The following PCSK2 variants were observed in gnomAD, a reference collection of about 807,000 sequenced individuals.
The protein encoded by PCSK2 is proprotein convertase subtilisin/kexin type 2.
Under a neutral mutation model 69.7 loss-of-function variants are expected in PCSK2, and 14 were observed. That is an observed-to-expected ratio of 0.20 (90% CI 0.13 to 0.31). The LOEUF (loss-of-function observed/expected upper bound fraction) is 0.31, where lower values mean the gene tolerates loss of function less well. PCSK2 is among the 10% of genes least tolerant of loss of function. PCSK2 has a pLI of 1.00. For synonymous variants in PCSK2, 307 were observed against 320.7 expected (o/e 0.96, Z 0.46); for missense variants, 544 against 842.5 (o/e 0.65, Z 4.39).
intron 2 of PCSK2, among the ~76,000 whole-genome samples, chr20:17,335,606 T>G (rs973522679): frequency 6.6e-6 from 1 of 152,104 alleles, no homozygotes; most frequent in East Asian, 1.9e-4. Flanking sequence ...CCGAGCATTG[T>G]ACACTGTCCC....
intron 5 of PCSK2, among the ~76,000 whole-genome samples, chr20:17,373,921 T>C (rs138192861): frequency 2.5e-3 from 374 of 152,310 alleles, no homozygotes; most frequent in African/African-American, 8.6e-3. Context: ...TACTCTATTG[T>C]TCTATGATTG....
chr20:17,326,535 T>G (rs984717960), intron 2 of PCSK2, among the ~76,000 whole-genome samples: 3 of 152,218 alleles, frequency 2.0e-5, no homozygotes, highest in African/African-American at 7.2e-5. Context: ...ACCATACTAA[T>G]GGCAGATGTT....
chr20:17,316,375 G>T (rs1313079735), intron 2 of PCSK2, among the ~76,000 whole-genome samples: 1 of 152,222 alleles, frequency 6.6e-6, no homozygotes, highest in Non-Finnish European at 1.5e-5. Context: ...ATGAATATAT[G>T]TATCAGGCTC....
chr20:17,462,893 G>C (rs1272641722), intron 10 of PCSK2, among the ~76,000 whole-genome samples: 1 of 152,122 alleles, frequency 6.6e-6, no homozygotes, highest in Non-Finnish European at 1.5e-5. Flanking sequence ...TTCTTGGGCT[G>C]CTATGGTACA....
At chr20:17,479,809 A>C (rs150459797) in intron 11 of PCSK2, among the ~76,000 whole-genome samples, 18,364 of 149,374 alleles carry the variant, frequency 0.12, 1,148 homozygotes, top group East Asian at 0.15. Context: ...AAAAAAAAAA[A>C]AAAAAAAAAA....
intron 2 of PCSK2, among the ~76,000 whole-genome samples, chr20:17,289,963 G>T (rs1988644270): frequency 6.6e-6 from 1 of 152,166 alleles, no homozygotes; most frequent in Non-Finnish European, 1.5e-5. Context: ...TAAATTTCTA[G>T]AAGTAGAATT....
intron 2 of PCSK2, among the ~76,000 whole-genome samples, chr20:17,285,600 A>G (rs1017033709): frequency 2.0e-5 from 3 of 152,244 alleles, no homozygotes; most frequent in Non-Finnish European, 4.4e-5. Context: ...TGAATTCTTC[A>G]GTAGACTGTA....
intron 5 of PCSK2, among the ~76,000 whole-genome samples, chr20:17,395,317 GGTAGTCCT>G (rs2031486746): frequency 6.6e-6 from 1 of 152,142 alleles, no homozygotes; most frequent in African/African-American, 2.4e-5. Context: ...CTTTCATGAC[GGTAGTCCT>G]GATTTTGCTA....
At position 17,358,456 on chromosome 20, in the gene PCSK2, T is replaced by C. The variant is rs755971116; in HGVS notation, c.396+16T>C. The C allele has an allele frequency of 3.8e-6, 5 of 1,314,680 alleles. No individual in the cohort carries two copies. The highest frequency in any genetic ancestry group is 3.5e-5 in the South Asian group (3 of 85,048). 81.4% of individuals were successfully genotyped at this position (1,314,680 alleles called of 1,614,324 possible). A position where few individuals can be genotyped will look rare whatever the true frequency, so the allele number is the denominator to read the frequency against. On this transcript the variant is annotated intron_variant, in intron 3 of 11. Transcript: ENST00000262545. ...GTGGTATCTGGTGAGTGTCTTTATG[T>C]CCTTTTGGACATTTCCCATCTTGAG...
At chr20:17,363,752 C>G (rs1306704539) in intron 4 of PCSK2, among the ~76,000 whole-genome samples, 2 of 152,214 alleles carry the variant, frequency 1.3e-5, no homozygotes, top group Non-Finnish European at 2.9e-5. Context: ...AAACAACTAA[C>G]AGTAAAAACG....
Position 17,396,522 on chromosome 20 carries a change from CA to C in PCSK2, c.544-12740del, listed in dbSNP as rs201938615. Among the ~76,000 whole-genome samples the C allele has an allele frequency of 4.4e-3, 671 of 152,290 alleles. 5 individuals carry two copies. Among genetic ancestry groups the C allele is most frequent in the East Asian group, 0.015 (78 of 5,184 alleles). ...TCAACTTCAAATTAGCCATTGTTTC[CA>C]CATCATCCTCTCATGACATGATAGG... On this transcript the variant is annotated intron_variant, in intron 5 of 11. Coordinates refer to ENST00000262545, the MANE Select transcript of PCSK2 (RefSeq NM_002594.5).
intron 2 of PCSK2, among the ~76,000 whole-genome samples, chr20:17,266,501 ATGCATAAGTTCCACTT>A (rs1987608016): frequency 6.6e-6 from 1 of 152,236 alleles, no homozygotes; most frequent in South Asian, 2.1e-4. Context: ...AATTTTAACC[ATGCATAAGTTCCACTT>A]TGCACACTTT....
intron 2 of PCSK2, among the ~76,000 whole-genome samples, chr20:17,273,557 A>G (rs1987947474): frequency 6.6e-6 from 1 of 152,164 alleles, no homozygotes; most frequent in African/African-American, 2.4e-5. Flanking sequence ...CTCCTTTTGC[A>G]TCTTCTTAGT....
At chr20:17,451,071 A>G (rs1014805136) in intron 8 of PCSK2, among the ~76,000 whole-genome samples, 1 of 152,238 alleles carries the variant, frequency 6.6e-6, no homozygotes, top group Non-Finnish European at 1.5e-5. Flanking sequence ...CCCAATCACC[A>G]GAAGCAAGGA....
At chr20:17,465,130 A>G in intron 10 of PCSK2, 196 bp from the exon 11 acceptor site, 1 of 599,112 alleles carries the variant, frequency 1.7e-6, no homozygotes, top group East Asian at 2.8e-5. Flanking sequence ...AAGCAAGAAG[A>G]TTTCTTTAAT....
chr20:17,326,345 G>C (rs1898633120), intron 2 of PCSK2, among the ~76,000 whole-genome samples: 1 of 152,182 alleles, frequency 6.6e-6, no homozygotes, highest in Non-Finnish European at 1.5e-5. Context: ...AGCAAGAAAA[G>C]TCTGAAAATT....
At chr20:17,463,250 T>G (rs1170910322) in intron 10 of PCSK2, among the ~76,000 whole-genome samples, 1 of 152,178 alleles carries the variant, frequency 6.6e-6, no homozygotes, top group Non-Finnish European at 1.5e-5. Context: ...AGATGAGAAA[T>G]GAGAAACCTG....
intron 2 of PCSK2, among the ~76,000 whole-genome samples, chr20:17,342,761 A>C (rs1050028403): frequency 2.0e-5 from 3 of 151,550 alleles, no homozygotes; most frequent in African/African-American, 7.3e-5. Flanking sequence ...CCTCTCAAGC[A>C]CCTGGGACTA....
intron 2 of PCSK2, among the ~76,000 whole-genome samples, chr20:17,329,449 A>G (rs1990153384): frequency 6.6e-6 from 1 of 152,254 alleles, no homozygotes; most frequent in African/African-American, 2.4e-5. Flanking sequence ...ATCATTTTAT[A>G]TAGAGTTCTA....
Sources: allele counts gnomAD v4.1 joint callset (sites outside exome capture counted in the v4.1 genomes callset), GRCh38; gene constraint gnomAD v4.1.1; transcripts MANE v1.5; gene names NCBI Gene and HGNC (gene_info 2026-07-23, HGNC 2026-07-21).